The following DTWD2 variants were observed in gnomAD, a reference collection of about 807,000 sequenced individuals.
The protein encoded by DTWD2 is tRNA-uridine aminocarboxypropyltransferase 2.
A neutral mutation model predicts 31.8 loss-of-function variants in DTWD2; 39 were observed. The observed-to-expected ratio is 1.22, with a 90% confidence interval of 0.95 to 1.60. The LOEUF is 1.60. Ranked by LOEUF, DTWD2 falls within the 40% of genes most tolerant of loss-of-function variation. The pLI is 0.00. For synonymous variants in DTWD2, 180 were observed against 142.8 expected, an observed-to-expected ratio of 1.26 and a Z score of -1.86; for missense variants, 515 against 381.5, an observed-to-expected ratio of 1.35 and a Z score of -2.92.
At chr5:118,855,823 G>A (rs1752120873) in intron 4 of DTWD2, among the ~76,000 whole-genome samples, 1 of 152,096 alleles carries the variant, frequency 6.6e-6, no homozygotes, top group Non-Finnish European at 1.5e-5. Context: ...AAAAAGTGAA[G>A]TGCCCTATAA....
chr5:118,897,143 T>C (rs1345808078), intron 4 of DTWD2, among the ~76,000 whole-genome samples: 1 of 152,212 alleles, frequency 6.6e-6, no homozygotes, highest in East Asian at 1.9e-4. Context: ...TCACGGTTAA[T>C]ATTTATTACA....
At chr5:118,943,424 G>A (rs369200796) in intron 2 of DTWD2, among the ~76,000 whole-genome samples, 5 of 152,060 alleles carry the variant, frequency 3.3e-5, no homozygotes, top group African/African-American at 9.7e-5. Flanking sequence ...TGTGGTGGGC[G>A]CCTGTAGTCC....
intron 4 of DTWD2, among the ~76,000 whole-genome samples, chr5:118,880,587 A>C (rs946819285): frequency 1.3e-5 from 2 of 152,142 alleles, no homozygotes; most frequent in Non-Finnish European, 2.9e-5. Flanking sequence ...AACACATACC[A>C]CTGGAAAATA....
At chr5:118,887,511 T>C (rs535433864) in intron 4 of DTWD2, among the ~76,000 whole-genome samples, 1 of 152,312 alleles carries the variant, frequency 6.6e-6, no homozygotes, top group African/African-American at 2.4e-5. Context: ...CCACATGAGA[T>C]GGTTCCCTCC....
At chr5:118,954,096 C>T (rs886451870) in intron 1 of DTWD2, among the ~76,000 whole-genome samples, 3 of 152,092 alleles carry the variant, frequency 2.0e-5, no homozygotes, top group Non-Finnish European at 4.4e-5. Context: ...CATAGCAAGA[C>T]CTCATCTCTA....
rs532705332 is a variant in DTWD2 at position 118,910,892 on chromosome 5, G to A, written c.597+17645C>T. On this transcript the variant is annotated intron_variant, in intron 4 of 5. Coordinates refer to ENST00000510708, the MANE Select transcript of DTWD2 (RefSeq NM_173666.4). Reference sequence around the variant, plus strand: ...TTCTATGTGCTCTCAAATGGGGGAAGGCACACATAAGCTCCCTCAGGCCTC... The same window carrying A: ...TTCTATGTGCTCTCAAATGGGGGAAAGCACACATAAGCTCCCTCAGGCCTC... 1.1e-3 allele frequency among the ~76,000 whole-genome samples: 172 copies of A among 152,234 alleles called. 3 individuals carry two copies. The highest frequency in any genetic ancestry group is 0.011 in the Admixed American group (170 of 15,276).
chr5:118,908,545 A>G (rs1333902892), intron 4 of DTWD2, among the ~76,000 whole-genome samples: 1 of 152,178 alleles, frequency 6.6e-6, no homozygotes, highest in Non-Finnish European at 1.5e-5. Flanking sequence ...AGCCTAGAAT[A>G]AATAACAAAT....
Position 118,840,043 on chromosome 5 carries a change from T to A in DTWD2, c.*874A>T, listed in dbSNP as rs1218833007. 2.0e-5 allele frequency: 3 copies of A among 152,280 alleles called. No individual in the cohort carries two copies. The highest frequency in any genetic ancestry group is 3.9e-4 in the East Asian group (2 of 5,188). 9.4% of individuals were successfully genotyped at this position (152,280 alleles called of 1,614,324 possible). A position where few individuals can be genotyped will look rare whatever the true frequency, so the allele number is the denominator to read the frequency against. Reference sequence around the variant, plus strand: ...AATATACATATATGTTACATACATGTCTCTTATTCTATACAAAATCTCAGC... The same window carrying A: ...AATATACATATATGTTACATACATGACTCTTATTCTATACAAAATCTCAGC... On this transcript the variant is annotated 3_prime_UTR_variant, in exon 6 of 6. Coordinates refer to ENST00000510708, the MANE Select transcript of DTWD2 (RefSeq NM_173666.4).
At chr5:118,853,500 G>A (rs1459657273) in intron 4 of DTWD2, among the ~76,000 whole-genome samples, 1 of 152,042 alleles carries the variant, frequency 6.6e-6, no homozygotes, top group African/African-American at 2.4e-5. Context: ...AATCAACCTA[G>A]GTGCCCATCA....
At chr5:118,841,815 A>C (rs893431137) in intron 5 of DTWD2, among the ~76,000 whole-genome samples, 1 of 152,158 alleles carries the variant, frequency 6.6e-6, no homozygotes, top group Admixed American at 6.6e-5. Flanking sequence ...TTTTAAACAT[A>C]TTTTGGGTGA....
chr5:118,873,245 A>G (rs1164990448), intron 4 of DTWD2, among the ~76,000 whole-genome samples: 2 of 152,214 alleles, frequency 1.3e-5, no homozygotes, highest in Non-Finnish European at 2.9e-5. Flanking sequence ...ACTTGCTCCC[A>G]TAAGAGACTT....
In DTWD2 at chr5:118,974,207, C is replaced by T. The variant is rs1467813708; in HGVS notation, c.218+14087G>A. On this transcript the variant is annotated intron_variant, in intron 1 of 5. Transcript: ENST00000510708. ...TCCACTTCCCGTCTCAGAATCTAAACGTGGTCACCTTCGAGTAGAGAGGCC... is the reference window on the plus strand; with the variant it reads ...TCCACTTCCCGTCTCAGAATCTAAATGTGGTCACCTTCGAGTAGAGAGGCC... 2.9e-5 allele frequency: 38 copies of T among 1,313,220 alleles called. 1 individual carries two copies. The South Asian group carries it at 2.9e-4, about 10-fold the overall frequency. 81.3% of individuals were successfully genotyped at this position (1,313,220 alleles called of 1,614,324 possible). A position where few individuals can be genotyped will look rare whatever the true frequency, so the allele number is the denominator to read the frequency against.
intron 4 of DTWD2, among the ~76,000 whole-genome samples, chr5:118,856,996 C>T (rs1373482071): frequency 6.6e-6 from 1 of 151,658 alleles, no homozygotes; most frequent in Non-Finnish European, 1.5e-5. Context: ...AGGCTGGTCT[C>T]GAACACCTGA....
chr5:118,867,559 C>T (rs780044407), intron 4 of DTWD2, among the ~76,000 whole-genome samples: 2 of 152,192 alleles, frequency 1.3e-5, no homozygotes, highest in African/African-American at 2.4e-5. Flanking sequence ...AGTTACCTAA[C>T]CTCTCTGGTC....
At chr5:118,915,242 TG>T (rs1753547628) in intron 4 of DTWD2, among the ~76,000 whole-genome samples, 1 of 151,594 alleles carries the variant, frequency 6.6e-6, no homozygotes, top group Non-Finnish European at 1.5e-5. Context: ...TTTCTTAATA[TG>T]GAAAAAAAAG....
chr5:118,885,772 AAAAAAATAAAAATAAT>A (rs1234784274), intron 4 of DTWD2, among the ~76,000 whole-genome samples: 5 of 151,194 alleles, frequency 3.3e-5, no homozygotes, highest in East Asian at 3.9e-4. Context: ...GTATTTAAAA[AAAAAAATAAAAATAAT>A]AAAAAATAAA....
At position 118,865,762 on chromosome 5, in the gene DTWD2, C is replaced by T. The variant is rs117264529; in HGVS notation, c.598-17544G>A. ...TTATCTCATTGATTCACAATAAACA[C>T]TCCAAAAATGGAAATAATGAATTTT... On this transcript the variant is annotated intron_variant, in intron 4 of 5. Coordinates refer to ENST00000510708, the MANE Select transcript of DTWD2 (RefSeq NM_173666.4). Among the ~76,000 whole-genome samples, 56 of 152,250 alleles carry T rather than the reference C, an allele frequency of 3.7e-4. No individual in the cohort carries two copies. In the East Asian group the frequency reaches 9.6e-3, roughly 26 times the overall value.
chr5:118,910,952 G>A (rs893456874), intron 4 of DTWD2, among the ~76,000 whole-genome samples: 2 of 152,124 alleles, frequency 1.3e-5, no homozygotes, highest in South Asian at 4.1e-4. Context: ...CATGAAGGCA[G>A]AGGTCTCATG....
intron 4 of DTWD2, among the ~76,000 whole-genome samples, chr5:118,861,833 G>A (rs972183380): frequency 6.6e-6 from 1 of 152,164 alleles, no homozygotes; most frequent in Non-Finnish European, 1.5e-5. Flanking sequence ...GAGAGTAACT[G>A]GAGAGGCTCA....
Sources: allele counts gnomAD v4.1 joint callset (sites outside exome capture counted in the v4.1 genomes callset), GRCh38; gene constraint gnomAD v4.1.1; transcripts MANE v1.5; gene names NCBI Gene and HGNC (gene_info 2026-07-23, HGNC 2026-07-21).